HEBP1: variants seen among roughly 807,000 people sequenced by gnomAD.
HEBP1 encodes heme binding protein 1.
A neutral mutation model predicts 20.4 loss-of-function variants in HEBP1; 13 were observed. The ratio of observed to expected loss-of-function variants is 0.64; its 90% CI spans 0.42 to 1.01. The LOEUF (loss-of-function observed/expected upper bound fraction) is 1.01, where lower values mean the gene tolerates loss of function less well. Ranked by LOEUF, HEBP1 falls within the 50% of genes least tolerant of loss-of-function variation. The pLI is 0.00. For synonymous variants in HEBP1, 92 were observed against 90.7 expected (o/e 1.01, Z -0.08); for missense variants, 241 against 247.3 (o/e 0.97, Z 0.17).
intron 1 of HEBP1, among the ~76,000 whole-genome samples, chr12:12,990,116 GCACACACACACACA>G (rs36210276): frequency 0.036 from 5,390 of 149,576 alleles, 294 homozygotes; most frequent in African/African-American, 0.12. Flanking sequence ...TACTCTCTGT[GCACACACACACACA>G]CACACACACA....
chr12:12,987,592 CTCTCTCTCTCTCTCTCTCTT>C (rs1463552575), intron 2 of HEBP1, among the ~76,000 whole-genome samples: 2 of 122,110 alleles, frequency 1.6e-5, no homozygotes, highest in African/African-American at 5.5e-5. Flanking sequence ...CAGTCTCTTT[CTCTCTCTCTCTCTCTCTCTT>C]TCTCTCTCTC....
Position 12,975,368 on chromosome 12 carries a change from A to G in HEBP1, c.510T>C (p.Gly170=), listed in dbSNP as rs1281652113. The part of the protein sequence containing the change: ...TYRGDIYFCT[G]YDPPMKPYGR... ...CGTAGGGCTTCATGGGAGGGTCATA[A>G]CCCGTGCAGAAGTAGATGTCCCCCC... Residue 170 remains glycine (G), a synonymous_variant, in exon 4 of 4, where the codon GGT becomes GGC. Transcript: ENST00000014930. 1 of 1,613,976 alleles carries G rather than the reference A, an allele frequency of 6.2e-7. No individual in the cohort carries two copies.
At chr12:12,978,271 C>T (rs1464070453) in intron 3 of HEBP1, among the ~76,000 whole-genome samples, 5 of 129,618 alleles carry the variant, frequency 3.9e-5, no homozygotes, top group South Asian at 2.4e-4. Context: ...AGTGCAGTGG[C>T]GCAATCTCGG....
In HEBP1 at chr12:12,976,093, A is replaced by C. The variant is rs1352497989; in HGVS notation, c.399-614T>G. On this transcript the variant is annotated intron_variant, in intron 3 of 3. Transcript: ENST00000014930. The stretch of plus-strand genomic sequence containing the variant: ...ACCCTGTGTCAAAAAAAAAAAAAAA[A>C]AAAAAACAAACCAAAAACCAAAACT... Among the ~76,000 whole-genome samples, 399 of 151,690 alleles carry C rather than the reference A, an allele frequency of 2.6e-3. 2 individuals are homozygous for C. The highest frequency in any genetic ancestry group is 8.8e-3 in the African/African-American group (363 of 41,398).
In HEBP1 at chr12:12,998,991, T is replaced by C. The variant is rs959749682; in HGVS notation, c.78+1046A>G. Among the ~76,000 whole-genome samples, 2 of 152,240 alleles carry C rather than the reference T, an allele frequency of 1.3e-5. No individual in the cohort carries two copies. The highest frequency in any genetic ancestry group is 4.8e-5 in the African/African-American group (2 of 41,472). On this transcript the variant is annotated intron_variant, in intron 1 of 3. Coordinates refer to ENST00000014930, the MANE Select transcript of HEBP1 (RefSeq NM_015987.5). This position sits in a 1 kb window ranked among gnomAD's most constrained non-coding sequence, Gnocchi z 4.2. Reference sequence around the variant, plus strand: ...CAGCTCTGGGCCTTTGTGCATGCTCTTCTCTGTTGTGTGCACTCCTACACA... The same window carrying C: ...CAGCTCTGGGCCTTTGTGCATGCTCCTCTCTGTTGTGTGCACTCCTACACA...
chr12:12,975,930 C>T (rs921586530), intron 3 of HEBP1, among the ~76,000 whole-genome samples: 12 of 152,198 alleles, frequency 7.9e-5, no homozygotes, highest in Non-Finnish European at 1.3e-4. Context: ...CTACAGGGGA[C>T]TTCGGGCAGA....
intron 1 of HEBP1, among the ~76,000 whole-genome samples, chr12:12,997,496 G>A (rs1361003542): frequency 6.6e-6 from 1 of 152,088 alleles, no homozygotes; most frequent in Non-Finnish European, 1.5e-5. Flanking sequence ...CCTGTGTAGC[G>A]GAAGCCAAAG....
In HEBP1 at chr12:12,996,364, C is replaced by T. The variant is rs1864290126; in HGVS notation, c.78+3673G>A. Among the ~76,000 whole-genome samples, 1 of 152,164 alleles carries T rather than the reference C, an allele frequency of 6.6e-6. No individual in the cohort carries two copies. Among genetic ancestry groups the T allele is most frequent in the African/African-American group, 2.4e-5 (1 of 41,416 alleles). On this transcript the variant is annotated intron_variant, in intron 1 of 3. Coordinates refer to ENST00000014930, the MANE Select transcript of HEBP1 (RefSeq NM_015987.5). This position sits in a 1 kb window ranked among gnomAD's most constrained non-coding sequence, Gnocchi z 4.1. ...TAATATCAGTTCTGCTGTGAGCATC[C>T]AAAGGCCCACCCAATCCAACACAGA...
intron 1 of HEBP1, 113 bp downstream of exon 1, chr12:12,999,924 C>T: frequency 1.7e-6 from 1 of 603,228 alleles, no homozygotes; most frequent in South Asian, 2.1e-5. Flanking sequence ...CCAGAACGCA[C>T]CTTCGATAGC....
At chr12:12,981,957 G>A (rs999901418) in intron 3 of HEBP1, among the ~76,000 whole-genome samples, 2 of 152,186 alleles carry the variant, frequency 1.3e-5, no homozygotes, top group Admixed American at 1.3e-4. Context: ...CAAGGATGAA[G>A]CTCTTTTGTT....
rs140727368 is a variant in HEBP1 at position 12,996,130 on chromosome 12, C to T, written c.78+3907G>A. On this transcript the variant is annotated intron_variant, in intron 1 of 3. Coordinates refer to ENST00000014930, the MANE Select transcript of HEBP1 (RefSeq NM_015987.5). This position sits in a 1 kb window ranked among gnomAD's most constrained non-coding sequence, Gnocchi z 4.1. Reference sequence around the variant, plus strand: ...GTCTGGTGTTATTTTAAATGCTTTACGTGGATTCATTCATTCAATTTCTCC... The same window carrying T: ...GTCTGGTGTTATTTTAAATGCTTTATGTGGATTCATTCATTCAATTTCTCC... Among the ~76,000 whole-genome samples, 1,844 of 152,284 alleles carry T rather than the reference C, an allele frequency of 0.012. 14 individuals carry two copies. Among genetic ancestry groups the T allele is most frequent in the Middle Eastern group, 0.027 (8 of 294 alleles).
chr12:12,976,170 G>A (rs1175532218), intron 3 of HEBP1, among the ~76,000 whole-genome samples: 2 of 151,568 alleles, frequency 1.3e-5, no homozygotes, highest in Non-Finnish European at 2.9e-5. Flanking sequence ...AGGAAGACTT[G>A]GGAGGGCCCC....
At chr12:12,988,750 A>G (rs942441064) in intron 2 of HEBP1, among the ~76,000 whole-genome samples, 1 of 152,200 alleles carries the variant, frequency 6.6e-6, no homozygotes, top group Non-Finnish European at 1.5e-5. Context: ...GGTGGCCAGC[A>G]TGAACTGCCA....
chr12:12,981,353 G>C (rs559998926), intron 3 of HEBP1, among the ~76,000 whole-genome samples: 1 of 152,152 alleles, frequency 6.6e-6, no homozygotes, highest in East Asian at 1.9e-4. Context: ...GCTTAGGAGA[G>C]AAGGCAGCAT....
rs539880619 is a variant in HEBP1 at position 12,994,679 on chromosome 12, C to G, written c.79-5264G>C. 2.0e-5 allele frequency among the ~76,000 whole-genome samples: 3 copies of G among 152,240 alleles called. No individual in the cohort carries two copies. The South Asian group carries it at 6.2e-4, about 32-fold the overall frequency. ...TGAGTGATCCCTCCTTTCTAGGAAC[C>G]CCTAAAGTCAGATAACTCTAGAGCT... On this transcript the variant is annotated intron_variant, in intron 1 of 3. Transcript: ENST00000014930.
At chr12:12,987,124 A>G (rs370794742) in intron 3 of HEBP1, 28 bp downstream of exon 3, 161 of 1,597,722 alleles carry the variant, frequency 1.0e-4, no homozygotes, top group Non-Finnish European at 1.3e-4. Context: ...AGCGCCACCC[A>G]TGGATGCCTG....
rs1336789932 is a variant in HEBP1, at chr12:13,000,188, C to T, written c.-74G>A. ...GGCGACGGAGCACCACGGGCAGCGA[C>T]CACCGGCGGCAGGGCGGCAGGGCGG... On this transcript the variant is annotated 5_prime_UTR_variant, in exon 1 of 4. Coordinates refer to ENST00000014930, the MANE Select transcript of HEBP1 (RefSeq NM_015987.5). The T allele has an allele frequency of 3.3e-5, 21 of 638,404 alleles. No homozygotes were observed. The African/African-American group carries it at 4.0e-4, about 12-fold the overall frequency. The allele number at this position is 638,404 out of a possible 1,614,324, so 39.5% of individuals were successfully genotyped here.
At chr12:12,982,972 C>T (rs941924429) in intron 3 of HEBP1, among the ~76,000 whole-genome samples, 5 of 152,130 alleles carry the variant, frequency 3.3e-5, no homozygotes, top group African/African-American at 1.2e-4. Flanking sequence ...GGTACTCATG[C>T]CCATCTTACA....
chr12:12,997,119 G>A (rs547944754), intron 1 of HEBP1, among the ~76,000 whole-genome samples: 3 of 152,238 alleles, frequency 2.0e-5, no homozygotes, highest in African/African-American at 7.2e-5. Context: ...TGTAGAAACA[G>A]GTTCATTTGG....
Sources: allele counts gnomAD v4.1 joint callset (sites outside exome capture counted in the v4.1 genomes callset), GRCh38; gene constraint gnomAD v4.1.1; non-coding constraint Gnocchi (gnomAD v3.1); transcripts MANE v1.5; gene names NCBI Gene and HGNC (gene_info 2026-07-23, HGNC 2026-07-21).